FAM13A: variants seen among roughly 807,000 people sequenced by gnomAD.
The protein encoded by FAM13A is family with sequence similarity 13 member A.
In FAM13A, 76 loss-of-function variants were observed where a neutral mutation model predicts 129.6. That is an observed-to-expected ratio of 0.59 (90% CI 0.49 to 0.71). The LOEUF (loss-of-function observed/expected upper bound fraction) is 0.71. Ranked by LOEUF, FAM13A falls within the 30% of genes least tolerant of loss-of-function variation. The pLI, the probability that FAM13A is intolerant of heterozygous loss-of-function variation, is 0.00. For synonymous variants in FAM13A, 443 were observed against 449.9 expected, an observed-to-expected ratio of 0.98 and a Z score of 0.20; for missense variants, 1,108 against 1,249.3, an observed-to-expected ratio of 0.89 and a Z score of 1.70.
chr4:88,848,227 G>A (rs1282444685), intron 7 of FAM13A, among the ~76,000 whole-genome samples: 3 of 152,086 alleles, frequency 2.0e-5, no homozygotes, highest in Non-Finnish European at 2.9e-5. Flanking sequence ...GTCCTGCCTA[G>A]CACTGTTTGT....
chr4:88,873,155 T>C (rs1385036905), intron 6 of FAM13A, among the ~76,000 whole-genome samples: 1 of 152,136 alleles, frequency 6.6e-6, no homozygotes, highest in East Asian at 1.9e-4. Flanking sequence ...TAGAGGGAAA[T>C]TTATAGCACT....
intron 2 of FAM13A, among the ~76,000 whole-genome samples, chr4:89,024,613 A>G (rs1234319116): frequency 6.6e-6 from 1 of 152,222 alleles, no homozygotes; most frequent in Non-Finnish European, 1.5e-5. Flanking sequence ...TGCCTGACAT[A>G]GTGCTTACTG....
intron 3 of FAM13A, among the ~76,000 whole-genome samples, chr4:89,015,436 C>A (rs1766352628): frequency 6.6e-6 from 1 of 152,120 alleles, no homozygotes; most frequent in Non-Finnish European, 1.5e-5. Flanking sequence ...CCCGGACACC[C>A]AGCTTTAAAA....
intron 3 of FAM13A, among the ~76,000 whole-genome samples, chr4:89,014,027 T>C (rs749499480): frequency 6.6e-6 from 1 of 152,134 alleles, no homozygotes; most frequent in Non-Finnish European, 1.5e-5. Flanking sequence ...CTGCTCAGGG[T>C]TGACTCCCTC....
At chr4:88,897,212 C>A (rs1368137920) in intron 6 of FAM13A, among the ~76,000 whole-genome samples, 6 of 152,172 alleles carry the variant, frequency 3.9e-5, no homozygotes, top group Non-Finnish European at 8.8e-5. Context: ...ATCTAAAAAT[C>A]TGTTTGATGT....
intron 4 of FAM13A, among the ~76,000 whole-genome samples, chr4:88,986,717 G>A (rs1481248317): frequency 5.9e-5 from 9 of 152,162 alleles, no homozygotes; most frequent in Admixed American, 1.3e-4. Flanking sequence ...ATTATGTTGT[G>A]GAGAAAAGCA....
chr4:88,728,683 G>A, intron 23 of FAM13A, 24 bp from the exon 24 acceptor site: 1 of 1,613,062 alleles, frequency 6.2e-7, no homozygotes, highest in Non-Finnish European at 8.5e-7. Flanking sequence ...AGGAAAAAGG[G>A]GTCTGAGGAT....
chr4:88,769,286 T>C (rs532820090), intron 11 of FAM13A, among the ~76,000 whole-genome samples: 2 of 152,338 alleles, frequency 1.3e-5, no homozygotes, highest in African/African-American at 4.8e-5. Flanking sequence ...TTTATGTTGG[T>C]TTTGCCAATT....
intron 6 of FAM13A, among the ~76,000 whole-genome samples, chr4:88,862,054 T>G (rs531612724): frequency 5.1e-4 from 78 of 152,348 alleles, no homozygotes; most frequent in Non-Finnish European, 1.0e-3. Flanking sequence ...TATGGAGCAC[T>G]TACTACCTGT....
intron 7 of FAM13A, among the ~76,000 whole-genome samples, chr4:88,818,140 C>G (rs1046430552): frequency 7.3e-6 from 1 of 137,764 alleles, no homozygotes; most frequent in Non-Finnish European, 1.6e-5. Flanking sequence ...CATGCCAGCA[C>G]GCCCAGATAA....
chr4:88,949,681 G>A (rs1306130541), intron 4 of FAM13A, among the ~76,000 whole-genome samples: 2 of 152,192 alleles, frequency 1.3e-5, no homozygotes, highest in Non-Finnish European at 2.9e-5. Flanking sequence ...GAATTGAGGT[G>A]AGGCAATGGA....
At chr4:88,920,204 C>T (rs1205888380) in intron 5 of FAM13A, among the ~76,000 whole-genome samples, 1 of 152,128 alleles carries the variant, frequency 6.6e-6, no homozygotes, top group Non-Finnish European at 1.5e-5. Context: ...CAGTGGTTCT[C>T]CCAGCACGGA....
At chr4:88,775,183 A>C (rs1007843831) in intron 11 of FAM13A, among the ~76,000 whole-genome samples, 14 of 152,300 alleles carry the variant, frequency 9.2e-5, no homozygotes, top group African/African-American at 3.4e-4. Context: ...GGAGAGGTCA[A>C]CATCATTCAG....
Position 88,931,478 on chromosome 4 carries a change from G to C in FAM13A, c.759+6610C>G, listed in dbSNP as rs114930965. Among the ~76,000 whole-genome samples, 1,482 of 152,134 alleles carry C rather than the reference G, an allele frequency of 9.7e-3. 19 individuals are homozygous for C. The highest frequency in any genetic ancestry group is 0.017 in the Non-Finnish European group (1,172 of 67,990). ...TCTCAGTCAGTCCCTGGCCATGCAG[G>C]CTGCCTCAAACCCTCTCCTTACTTA... On this transcript the variant is annotated intron_variant, in intron 5 of 23. Transcript: ENST00000264344.
At chr4:88,967,613 T>G (rs1248681285) in intron 4 of FAM13A, among the ~76,000 whole-genome samples, 3 of 152,222 alleles carry the variant, frequency 2.0e-5, no homozygotes, top group Admixed American at 2.0e-4. Context: ...TAGCCTTATC[T>G]TTGCTCATCA....
intron 5 of FAM13A, among the ~76,000 whole-genome samples, chr4:88,926,040 A>G (rs1351637255): frequency 1.3e-5 from 2 of 152,162 alleles, no homozygotes; most frequent in African/African-American, 4.8e-5. Flanking sequence ...AATGGGGGTG[A>G]TAAGAGAGGG....
Position 88,886,291 on chromosome 4 carries a change from A to G in FAM13A, c.843+20088T>C, listed in dbSNP as rs138100462. On this transcript the variant is annotated intron_variant, in intron 6 of 23. Transcript: ENST00000264344. ...CAAATGCCTATCAATCAACGAGTGG[A>G]TAAAGAAATTTTGGTGGCTGGGTGT... 9.2e-3 allele frequency among the ~76,000 whole-genome samples: 1,407 copies of G among 152,324 alleles called. 13 individuals are homozygous for G. Among genetic ancestry groups the G allele is most frequent in the Non-Finnish European group, 0.012 (811 of 68,026 alleles).
chr4:88,916,281 A>G (rs1484755003), intron 5 of FAM13A, among the ~76,000 whole-genome samples: 1 of 152,196 alleles, frequency 6.6e-6, no homozygotes, highest in Admixed American at 6.5e-5. Flanking sequence ...ATTAAGCTCT[A>G]AAGTTTGGAC....
chr4:89,034,771 A>C (rs1769149025), intron 1 of FAM13A, among the ~76,000 whole-genome samples: 1 of 152,048 alleles, frequency 6.6e-6, no homozygotes, highest in Non-Finnish European at 1.5e-5. Context: ...AATCCCAGCC[A>C]CTCGGGAGGC....
Sources: gnomAD v4.1 joint callset for allele counts (sites outside exome capture counted in the v4.1 genomes callset) on GRCh38, gnomAD v4.1.1 for gene constraint, MANE v1.5 for transcripts, NCBI Gene and HGNC (gene_info 2026-07-23, HGNC 2026-07-21) for gene names.